GAS6: variants seen among roughly 807,000 people sequenced by gnomAD.
The protein encoded by GAS6 is growth arrest-specific protein 6.
In GAS6, 41 loss-of-function variants were observed where a neutral mutation model predicts 75.8. The ratio of observed to expected loss-of-function variants is 0.54; its 90% confidence interval spans 0.42 to 0.70. The LOEUF (loss-of-function observed/expected upper bound fraction) is 0.70. Among genes scored for constraint, GAS6 ranks in the 30% least tolerant of loss-of-function variants. The pLI is 0.00. For missense variants in GAS6, 854 were observed against 940.2 expected, an observed-to-expected ratio of 0.91 and a Z score of 1.20; for synonymous variants, 432 against 412.6, an observed-to-expected ratio of 1.05 and a Z score of -0.57.
intron 8 of GAS6, among the ~76,000 whole-genome samples, chr13:113,833,892 G>C (rs1350819537): frequency 6.6e-6 from 1 of 151,680 alleles, no homozygotes; most frequent in Non-Finnish European, 1.5e-5. Context: ...AAGTCAGTGT[G>C]ACAGGCAGTG....
intron 4 of GAS6, chr13:113,843,781 C>T (rs1353692210): frequency 1.3e-5 from 2 of 151,082 alleles, no homozygotes; most frequent in Non-Finnish European, 2.9e-5. Flanking sequence ...GCCTGCTTGT[C>T]TGGGGCTGAA....
intron 2 of GAS6, among the ~76,000 whole-genome samples, chr13:113,855,072 G>A (rs1053416195): frequency 6.6e-6 from 1 of 152,240 alleles, no homozygotes; most frequent in Non-Finnish European, 1.5e-5. Context: ...ACAAGACAGT[G>A]TACTTTGTGA....
At chr13:113,862,964 C>T (rs2051984516) in intron 2 of GAS6, among the ~76,000 whole-genome samples, 1 of 152,116 alleles carries the variant, frequency 6.6e-6, no homozygotes, top group Non-Finnish European at 1.5e-5. Flanking sequence ...CCGGGCGCCC[C>T]GCCTTCTCCA....
chr13:113,849,020 T>C (rs6602909), intron 2 of GAS6, among the ~76,000 whole-genome samples: 66,844 of 152,000 alleles, frequency 0.44, 16,564 homozygotes, highest in African/African-American at 0.68. Flanking sequence ...TGGCTCTGCA[T>C]GGCCTTTCTG....
intron 2 of GAS6, among the ~76,000 whole-genome samples, chr13:113,849,455 A>C (rs1265383653): frequency 6.6e-6 from 1 of 152,042 alleles, no homozygotes; most frequent in Non-Finnish European, 1.5e-5. Context: ...AGGAGAAGGG[A>C]AGTGATGGGG....
chr13:113,835,478 CAG>C (rs1566361986), intron 7 of GAS6, 33 bp downstream of exon 7: 1 of 1,605,388 alleles, frequency 6.2e-7, no homozygotes, highest in Non-Finnish European at 8.5e-7. Context: ...ACTTGGGCGT[CAG>C]AGAAAGCGAG....
rs1321488268 is a variant in GAS6, at chr13:113,822,145, C to T, written c.1695G>A (p.Met565Ile). The change falls in exon 14 of 15, where the codon ATG (methionine) becomes ATA (isoleucine). Residue 565 changes from methionine to isoleucine, a missense_variant. Met to Ile is a conservative substitution (Grantham distance 10). Transcript: ENST00000327773. ...LAVEHTALAL[M>I]EIKVCDGQEH... ...CTTGGCCGTCGCAGACCTTGATCTCCATTAGGGCCAAGGCCGTATGCTCCA... is the reference window on the plus strand; with the variant it reads ...CTTGGCCGTCGCAGACCTTGATCTCTATTAGGGCCAAGGCCGTATGCTCCA... 6.3e-7 allele frequency: 1 copy of T among 1,596,570 alleles called. No homozygotes were observed. The highest frequency in any genetic ancestry group is 1.1e-5 in the South Asian group (1 of 87,734).
chr13:113,860,610 C>G (rs766331295), intron 2 of GAS6, among the ~76,000 whole-genome samples: 3 of 152,112 alleles, frequency 2.0e-5, no homozygotes, highest in African/African-American at 2.4e-5. Flanking sequence ...ATTAGAAACT[C>G]GGGCAAGGAA....
chr13:113,821,081 C>G lies in GAS6; in HGVS notation c.1883-63G>C, dbSNP rs570621801. 841 of 1,566,960 alleles carry G rather than the reference C, an allele frequency of 5.4e-4. 7 individuals carry two copies. The African/African-American group carries it at 0.01, about 19-fold the overall frequency. ...CACGTGGCCGGCCCCGCCTGGCCCC[C>G]CCACCCCCGGCAGCGCTTGTGGCCA... On this transcript the variant is annotated intron_variant, in intron 14 of 14. Coordinates refer to ENST00000327773, the MANE Select transcript of GAS6 (RefSeq NM_000820.4).
At chr13:113,841,549 G>GTTTCCTCCGTATGCCCCA (rs2051778096) in intron 4 of GAS6, 10 of 54,394 alleles carry the variant, frequency 1.8e-4, no homozygotes, top group East Asian at 9.6e-4. Context: ...CATACGCCCC[G>GTTTCCTCCGTATGCCCCA]GTTTCCTCCA....
Position 113,854,188 on chromosome 13 carries a change from C to T in GAS6, c.256-6138G>A, listed in dbSNP as rs764009570. On this transcript the variant is annotated intron_variant, in intron 2 of 14. Transcript: ENST00000327773. ...GGGAGCTCATCCTGGTGTGACTGCC[C>T]GGTCAGATGTGGATGCTGGGAAAGG... Among the ~76,000 whole-genome samples, 65 of 152,226 alleles carry T rather than the reference C, an allele frequency of 4.3e-4. 1 individual carries two copies. The highest frequency in any genetic ancestry group is 2.4e-3 in the Admixed American group (37 of 15,286).
At chr13:113,828,131 G>T (rs1421272870) in intron 11 of GAS6, among the ~76,000 whole-genome samples, 1 of 152,132 alleles carries the variant, frequency 6.6e-6, no homozygotes, top group Non-Finnish European at 1.5e-5. Context: ...GGACGTGGTG[G>T]CGGGCGCCTG....
At position 113,837,913 on chromosome 13, in the gene GAS6, G is replaced by A. The variant is rs1002310036; in HGVS notation, c.589+156C>T. Among the ~76,000 whole-genome samples the A allele has an allele frequency of 2.6e-5, 4 of 152,130 alleles. No homozygotes were observed. The highest frequency in any genetic ancestry group is 5.9e-5 in the Non-Finnish European group (4 of 68,014). ...GGTGCCGAGCAGCTCCCTGTGCTGC[G>A]GCTGGCCTGGGCTTGTGTAGTCTCT... On this transcript the variant is annotated intron_variant, in intron 6 of 14. Coordinates refer to ENST00000327773, the MANE Select transcript of GAS6 (RefSeq NM_000820.4). This position sits in a 1 kb window ranked among gnomAD's most constrained non-coding sequence, Gnocchi z 5.1.
At position 113,863,587 on chromosome 13, in the gene GAS6, G is replaced by T; in HGVS notation, c.243C>A (p.Asn81Lys). The change falls in exon 2 of 15, where the codon AAC becomes AAA. Residue 81 changes from asparagine to lysine, a missense_variant. Coordinates refer to ENST00000327773, the MANE Select transcript of GAS6 (RefSeq NM_000820.4). This position sits in a 1 kb window ranked among gnomAD's most constrained non-coding sequence, Gnocchi z 9.4. ...GCCGGCTGCTCACCGTCTCGGGGTC[G>T]TTCTCGAACACCTCCCGCGCCTCCT... ...SREEAREVFE[N>K]DPETDYFYPR... is the part of the protein sequence containing the mutation. The T allele has an allele frequency of 6.6e-7, 1 of 1,515,762 alleles. No homozygotes were observed. The highest frequency in any genetic ancestry group is 8.8e-7 in the Non-Finnish European group (1 of 1,133,844). 93.9% of individuals were successfully genotyped at this position (1,515,762 alleles called of 1,614,324 possible).
intron 14 of GAS6, 130 bp from the exon 15 acceptor site, chr13:113,821,148 T>TCTAA: frequency 2.1e-6 from 2 of 944,560 alleles, no homozygotes; most frequent in Non-Finnish European, 3.2e-6. Flanking sequence ...CCCTTTCTTC[T>TCTAA]CTAACTTCTC....
At position 113,832,492 on chromosome 13, in the gene GAS6, G is replaced by A; in HGVS notation, c.954-4C>T. On this transcript the variant is annotated splice_polypyrimidine_tract_variant and splice_region_variant and intron_variant, in intron 9 of 14. Transcript: ENST00000327773. The stretch of plus-strand genomic sequence containing the variant: ...GAAGTCAAACTCAGCTACCAGCCTG[G>A]GCACCCACAGGAGAAATGAGTCAGC... The A allele has an allele frequency of 6.3e-7, 1 of 1,595,840 alleles. No individual in the cohort carries two copies. The highest frequency in any genetic ancestry group is 8.6e-7 in the Non-Finnish European group (1 of 1,169,042).
Position 113,828,585 on chromosome 13 carries a change from C to A in GAS6, c.1270G>T (p.Gly424Ter), listed in dbSNP as rs1383458048. Residue 424 changes from glycine (G) to a stop codon, truncating the protein, a stop_gained, in exon 11 of 15, where the codon GGA becomes TGA. Transcript: ENST00000327773. LOFTEE classifies it high-confidence loss of function. ...TCCTTCTCATGGAAGGGAATACCTC[C>A]CACGGTCAGGTTCAGATGATACAGT... Reference protein sequence around the residue: ...RGLYHLNLTVGGIPFHEKDLV... With the variant: ...RGLYHLNLTV The A allele has an allele frequency of 3.1e-6, 5 of 1,613,494 alleles. No homozygotes were observed. Among genetic ancestry groups the A allele is most frequent in the Non-Finnish European group, 4.2e-6 (5 of 1,179,974 alleles).
At chr13:113,840,347 CCT>C (rs2051762635) in intron 4 of GAS6, 1 of 163,602 alleles carries the variant, frequency 6.1e-6, no homozygotes, top group African/African-American at 2.4e-5. Flanking sequence ...AGGAAGCCCC[CCT>C]CTTTCTGCTT....
rs1279754812 is a variant in GAS6 at position 113,823,569 on chromosome 13, A to G, written c.1478-19T>C. On this transcript the variant is annotated intron_variant, in intron 12 of 14. Coordinates refer to ENST00000327773, the MANE Select transcript of GAS6 (RefSeq NM_000820.4). ...GTCCGCACTGCAATGAAAGCGGTGC[A>G]TTATAGGGTGGTATGCACGGTGGAG... The G allele has an allele frequency of 1.3e-6, 2 of 1,599,364 alleles. No individual in the cohort carries two copies. The highest frequency in any genetic ancestry group is 8.5e-7 in the Non-Finnish European group (1 of 1,170,524).
Sources: allele counts gnomAD v4.1 joint callset (sites outside exome capture counted in the v4.1 genomes callset), GRCh38; gene constraint gnomAD v4.1.1; non-coding constraint Gnocchi (gnomAD v3.1); transcripts MANE v1.5; gene names NCBI Gene and HGNC (gene_info 2026-07-23, HGNC 2026-07-21).